PHKA2: variants seen among roughly 807,000 people sequenced by gnomAD.
PHKA2 encodes the protein phosphorylase b kinase regulatory subunit alpha, liver isoform.
Under a neutral mutation model 102.0 loss-of-function variants are expected in PHKA2, and 31 were observed. That is an observed-to-expected ratio of 0.30 (90% CI 0.23 to 0.41). The LOEUF (loss-of-function observed/expected upper bound fraction) is 0.41. PHKA2 is among the 10% of genes least tolerant of loss of function. The pLI is 1.00. For synonymous variants in PHKA2, 455 were observed against 416.2 expected (o/e 1.09, Z -1.13); for missense variants, 858 against 1,023.1 (o/e 0.84, Z 2.20).
chrX:18,964,538 T>C (rs1330564408), intron 1 of PHKA2, among the ~76,000 whole-genome samples: 1 of 112,338 alleles, frequency 8.9e-6, no homozygotes, highest in Non-Finnish European at 1.9e-5. Context: ...CCACTCTCCA[T>C]TGGTAAAGCA....
chrX:18,971,220 C>T (rs2049013760), intron 1 of PHKA2, among the ~76,000 whole-genome samples: 1 of 112,530 alleles, frequency 8.9e-6, no homozygotes, highest in South Asian at 3.6e-4. Flanking sequence ...ACCTCTTCTT[C>T]ATAACCTTGC....
chrX:18,973,822 ACT>A (rs1281373958), intron 1 of PHKA2, among the ~76,000 whole-genome samples: 1 of 112,074 alleles, frequency 8.9e-6, no homozygotes, highest in African/African-American at 3.2e-5. Context: ...ACACAGCCAC[ACT>A]GACTGAACTC....
intron 1 of PHKA2, among the ~76,000 whole-genome samples, chrX:18,969,645 T>C (rs141682289): frequency 7.2e-5 from 8 of 111,248 alleles, no homozygotes; most frequent in Non-Finnish European, 1.3e-4. Context: ...GTCAACACAG[T>C]GAAAAAAGGC....
At position 18,899,206 on chromosome X, in the gene PHKA2, G is replaced by A. The variant is rs781567272; in HGVS notation, c.3078C>T (p.Ala1026=). The part of the protein sequence containing the change: ...ADEQFFSVGQ[A]ASSSAHSSKS... Reference sequence around the variant, plus strand: ...TGGAGGAATGCGCACTGCTGGACGCGGCCTGGCCCACAGAAAAGAACTACA... The same window carrying A: ...TGGAGGAATGCGCACTGCTGGACGCAGCCTGGCCCACAGAAAAGAACTACA... The change falls in exon 29 of 33, where the codon GCC becomes GCT. Residue 1026 remains alanine, a synonymous_variant. Coordinates refer to ENST00000379942, the MANE Select transcript of PHKA2 (RefSeq NM_000292.3). The A allele has an allele frequency of 5.1e-5, 62 of 1,208,110 alleles. No homozygotes were observed. Among genetic ancestry groups the A allele is most frequent in the South Asian group, 8.8e-5 (5 of 56,748 alleles).
intron 1 of PHKA2, among the ~76,000 whole-genome samples, chrX:18,981,362 A>G (rs1031255290): frequency 9.8e-5 from 11 of 112,004 alleles, no homozygotes; most frequent in African/African-American, 3.2e-4. Flanking sequence ...AACTACCCCC[A>G]AAATAAATAC....
rs775796728 is a variant in PHKA2 at position 18,923,047 on chromosome X, CTTTTTT to C, written c.1793+1003_1793+1008del. 6.1e-5 allele frequency among the ~76,000 whole-genome samples: 5 copies of C among 82,534 alleles called. No homozygotes were observed. The East Asian group carries it at 2.0e-3, about 32-fold the overall frequency. The allele number at this position is 82,534 out of a possible 115,157, so 71.7% of individuals were successfully genotyped here. ...GGCTGAGCTACACAGTGAGATTCTC[CTTTTTT>C]TTTTTTTTTTTTTTGAGACGGAGTC... is the stretch of plus-strand genomic sequence containing the variant. On this transcript the variant is annotated intron_variant, in intron 17 of 32. Transcript: ENST00000379942.
intron 19 of PHKA2, among the ~76,000 whole-genome samples, chrX:18,914,578 T>C (rs910577249): frequency 1.1e-4 from 12 of 111,581 alleles, no homozygotes; most frequent in African/African-American, 3.9e-4. Context: ...GTGAGCTCCC[T>C]GGACATCCGC....
At chrX:18,967,212 C>A (rs1328856459) in intron 1 of PHKA2, among the ~76,000 whole-genome samples, 1 of 111,192 alleles carries the variant, frequency 9.0e-6, no homozygotes, top group Non-Finnish European at 1.9e-5. Flanking sequence ...GCAAAGTTTT[C>A]AAGTCAGTGG....
rs1340724748 is a variant in PHKA2, at chrX:18,943,986, C to CT, written c.619-179dup. 1.8e-4 allele frequency among the ~76,000 whole-genome samples: 20 copies of CT among 109,423 alleles called. No homozygotes were observed. In the East Asian group the frequency reaches 2.6e-3, roughly 14 times the overall value. On this transcript the variant is annotated intron_variant, in intron 6 of 32. Coordinates refer to ENST00000379942, the MANE Select transcript of PHKA2 (RefSeq NM_000292.3). Reference sequence around the variant, plus strand: ...CTAGTCTTTTTTATTCTTTTCTTTTCTTTTTTTTTGTAGAGACAGGGTCTC... The same window carrying CT: ...CTAGTCTTTTTTATTCTTTTCTTTTCTTTTTTTTTTGTAGAGACAGGGTCTC...
intron 22 of PHKA2, among the ~76,000 whole-genome samples, chrX:18,907,592 C>T (rs1039480391): frequency 3.6e-5 from 4 of 111,831 alleles, no homozygotes; most frequent in Non-Finnish European, 7.5e-5. Context: ...TTAATGATCA[C>T]TGTACTGTGG....
rs2048713915 is a variant in PHKA2, at chrX:18,952,476, T to C, written c.285+18A>G. On this transcript the variant is annotated intron_variant, in intron 3 of 32. Transcript: ENST00000379942. ...ATGGAATGCCCACTTGGCAAACACG[T>C]GTGTGGGTTCTGCCTACCTGTCTCA... The C allele has an allele frequency of 2.5e-6, 3 of 1,197,922 alleles. No individual in the cohort carries two copies. The highest frequency in any genetic ancestry group is 3.4e-6 in the Non-Finnish European group (3 of 882,666).
chrX:18,936,830 T>C (rs1229512734), intron 10 of PHKA2, among the ~76,000 whole-genome samples: 2 of 112,025 alleles, frequency 1.8e-5, no homozygotes, highest in African/African-American at 6.5e-5. Context: ...GGGCAACAAG[T>C]GTGAGCGACA....
At chrX:18,902,245 T>C (rs2047701365) in intron 26 of PHKA2, among the ~76,000 whole-genome samples, 1 of 109,956 alleles carries the variant, frequency 9.1e-6, no homozygotes. Context: ...AGGCGATCCT[T>C]CCGCTTCAGC....
At position 18,984,048 on chromosome X, in the gene PHKA2, G is replaced by A. The variant is rs1328449267; in HGVS notation, c.-116C>T. The A allele has an allele frequency of 8.4e-6, 5 of 595,956 alleles. No individual in the cohort carries two copies. In the Admixed American group the frequency reaches 1.0e-4, roughly 12 times the overall value. The allele number at this position is 595,956 out of a possible 1,213,427, so 49.1% of individuals were successfully genotyped here. On this transcript the variant is annotated 5_prime_UTR_variant, in exon 1 of 33. Transcript: ENST00000379942. ...CACTCACAGCCTTAGTCGGTTCTTG[G>A]GATGGGACCGGGCCGGAGGAGGTCG...
At chrX:18,900,998 T>C (rs1330653246) in intron 27 of PHKA2, among the ~76,000 whole-genome samples, 1 of 107,016 alleles carries the variant, frequency 9.3e-6, no homozygotes, top group Non-Finnish European at 1.9e-5. Flanking sequence ...GTGCGGTCAG[T>C]TCAAAAGGAT....
At chrX:18,906,322 C>T (rs1372048989) in intron 25 of PHKA2, among the ~76,000 whole-genome samples, 173 bp downstream of exon 25, 1 of 112,391 alleles carries the variant, frequency 8.9e-6, no homozygotes, top group Non-Finnish European at 1.9e-5. Context: ...AGCTCTATGC[C>T]GCATGGATGG....
intron 1 of PHKA2, among the ~76,000 whole-genome samples, chrX:18,981,491 G>C (rs1409459969): frequency 9.0e-6 from 1 of 111,444 alleles, no homozygotes; most frequent in African/African-American, 3.3e-5. Context: ...GGCAAGCCTG[G>C]ATAGCTGGGT....
In PHKA2 at chrX:18,950,198, C is replaced by T. The variant is rs763454739; in HGVS notation, c.454+906G>A. Among the ~76,000 whole-genome samples the T allele has an allele frequency of 5.4e-5, 6 of 111,727 alleles. No homozygotes were observed. In the East Asian group the frequency reaches 8.6e-4, roughly 16 times the overall value. On this transcript the variant is annotated intron_variant, in intron 4 of 32. Coordinates refer to ENST00000379942, the MANE Select transcript of PHKA2 (RefSeq NM_000292.3). ...TGAGCCTACTCAGCCCGCTGAGTAG[C>T]GGGCTGCTCAGCCCGCTCTGGGCAC...
intron 3 of PHKA2, among the ~76,000 whole-genome samples, chrX:18,952,030 A>G (rs928784728): frequency 2.7e-5 from 3 of 109,607 alleles, no homozygotes; most frequent in African/African-American, 1.0e-4. Context: ...ATACAATAGT[A>G]AAGTTACTGA....
Sources: gnomAD v4.1 joint callset for allele counts (sites outside exome capture counted in the v4.1 genomes callset) on GRCh38, gnomAD v4.1.1 for gene constraint, MANE v1.5 for transcripts, NCBI Gene and HGNC (gene_info 2026-07-23, HGNC 2026-07-21) for gene names.